The following DMTF1 variants were observed in gnomAD, a reference collection of about 807,000 sequenced individuals.
DMTF1 encodes cyclin D binding myb like transcription factor 1, also known as cyclin-D-binding Myb-like transcription factor 1.
DMTF1 carries 39 observed loss-of-function variants against 91.1 expected under a neutral mutation model. The ratio of observed to expected loss-of-function variants is 0.43; its 90% CI spans 0.33 to 0.56. The LOEUF is 0.56. Ranked by LOEUF, DMTF1 falls within the 20% of genes least tolerant of loss-of-function variation. The probability of loss-of-function intolerance (pLI) is 0.05; values close to 1 mark genes in which losing one functional copy is unlikely to be tolerated. For synonymous variants in DMTF1, 338 were observed against 309.5 expected, an observed-to-expected ratio of 1.09 and a Z score of -0.97; for missense variants, 750 against 914.5, an observed-to-expected ratio of 0.82 and a Z score of 2.32.
intron 14 of DMTF1, 114 bp from the exon 15 acceptor site, chr7:87,193,084 T>C: frequency 9.2e-7 from 1 of 1,091,920 alleles, no homozygotes; most frequent in Non-Finnish European, 1.3e-6. Flanking sequence ...GTATTACTTG[T>C]TCGCACCTTC....
chr7:87,194,819 A>G lies in DMTF1; in HGVS notation c.2164A>G (p.Thr722Ala). 6.2e-7 allele frequency: 1 copy of G among 1,610,698 alleles called. No individual in the cohort carries two copies. Among genetic ancestry groups the G allele is most frequent in the Non-Finnish European group, 8.5e-7 (1 of 1,178,384 alleles). ...IDTESVLPLT[T>A]LTDPILQHHQ... is the part of the protein sequence containing the mutation. ...TACTGAATCTGTCTTGCCTTTGACAACACTAACAGGTACTGTAATATAATA... is the reference window on the plus strand; with the variant it reads ...TACTGAATCTGTCTTGCCTTTGACAGCACTAACAGGTACTGTAATATAATA... Residue 722 changes from threonine (T) to alanine (A), a missense_variant, in exon 17 of 18, where the codon ACA becomes GCA. Around this residue, in one of 3 missense-constraint regions of DMTF1, gnomAD observed 410 missense variants for 420.2 expected, o/e 0.98. Coordinates refer to ENST00000331242, the MANE Select transcript of DMTF1 (RefSeq NM_001142327.2).
intron 9 of DMTF1, among the ~76,000 whole-genome samples, chr7:87,181,717 T>G (rs1797416597): frequency 6.6e-6 from 1 of 152,218 alleles, no homozygotes; most frequent in South Asian, 2.1e-4. Flanking sequence ...TTTCAGTGAA[T>G]ATCTGGGCTG....
intron 1 of DMTF1, among the ~76,000 whole-genome samples, chr7:87,161,235 C>T (rs78088843): frequency 5.9e-5 from 9 of 152,114 alleles, no homozygotes; most frequent in Admixed American, 2.0e-4. Flanking sequence ...CATTGGCTCA[C>T]GCCTGTAATC....
chr7:87,187,727 G>A (rs983857907), intron 12 of DMTF1: 4 of 235,784 alleles, frequency 1.7e-5, no homozygotes, highest in African/African-American at 4.7e-5. Flanking sequence ...TACACTATTC[G>A]TTTAAAAAAT....
chr7:87,154,496 T>C (rs1790161406), intron 1 of DMTF1: 1 of 152,678 alleles, frequency 6.5e-6, no homozygotes, highest in African/African-American at 2.4e-5. Flanking sequence ...GGAGCCAAAA[T>C]GCTATTGCCC....
intron 7 of DMTF1, among the ~76,000 whole-genome samples, chr7:87,176,541 A>G (rs892203061): frequency 1.3e-5 from 2 of 152,166 alleles, no homozygotes; most frequent in African/African-American, 4.8e-5. Flanking sequence ...TCAGTAGACC[A>G]ACTGATTGTG....
intron 4 of DMTF1, among the ~76,000 whole-genome samples, chr7:87,169,636 C>G (rs963603159): frequency 3.9e-5 from 6 of 152,150 alleles, no homozygotes; most frequent in African/African-American, 1.4e-4. Flanking sequence ...TCCCAGCTCT[C>G]CAAAGACCTT....
chr7:87,192,103 A>G (rs546324285), intron 14 of DMTF1, among the ~76,000 whole-genome samples: 21 of 152,230 alleles, frequency 1.4e-4, no homozygotes, highest in Admixed American at 1.0e-3. Context: ...CCTGGTAAAC[A>G]ATATATGTAC....
intron 12 of DMTF1, chr7:87,187,266 GCTTATGCC>G (rs1798663588): frequency 6.6e-6 from 1 of 152,208 alleles, no homozygotes; most frequent in African/African-American, 2.4e-5. Context: ...AGGTGTGGTG[GCTTATGCC>G]TATAATCCCA....
chr7:87,180,951 G>A (rs1235984996), intron 8 of DMTF1, among the ~76,000 whole-genome samples: 1 of 150,086 alleles, frequency 6.7e-6, no homozygotes, highest in Non-Finnish European at 1.5e-5. Flanking sequence ...TGCCTCGTGA[G>A]TTCAAGCTAT....
intron 13 of DMTF1, 52 bp from the exon 14 acceptor site, chr7:87,190,893 A>G: frequency 6.7e-7 from 1 of 1,482,638 alleles, no homozygotes; most frequent in Non-Finnish European, 9.2e-7. Context: ...TAAATTAACA[A>G]AACATTTATT....
In DMTF1 at chr7:87,195,127, T is replaced by TA; in HGVS notation, c.2273dup (p.Asn758LysfsTer6). 6.2e-7 allele frequency: 1 copy of TA among 1,608,280 alleles called. No homozygotes were observed. The highest frequency in any genetic ancestry group is 8.5e-7 in the Non-Finnish European group (1 of 1,175,432). On this transcript the variant is annotated frameshift_variant, in exon 18 of 18. Transcript: ENST00000331242. LOFTEE classifies it high-confidence loss of function. Reference sequence around the variant, plus strand: ...GATTCAAAGGATGTCGAAGATTTGGTAAACTGTCATTAGAATAATTCTTAG... The same window carrying TA: ...GATTCAAAGGATGTCGAAGATTTGGTAAAACTGTCATTAGAATAATTCTTAG...
At chr7:87,167,098 T>G (rs1794001426) in intron 4 of DMTF1, among the ~76,000 whole-genome samples, 2 of 152,210 alleles carry the variant, frequency 1.3e-5, no homozygotes, top group African/African-American at 4.8e-5. Context: ...CACAGAAAAT[T>G]ATAATAACTT....
chr7:87,157,715 T>C (rs1227933626), intron 1 of DMTF1, among the ~76,000 whole-genome samples: 1 of 152,128 alleles, frequency 6.6e-6, no homozygotes, highest in Non-Finnish European at 1.5e-5. Flanking sequence ...TTTATGCTTA[T>C]CCCTTTTCGT....
At chr7:87,157,292 G>A (rs1307816210) in intron 1 of DMTF1, among the ~76,000 whole-genome samples, 1 of 152,112 alleles carries the variant, frequency 6.6e-6, no homozygotes, top group Admixed American at 6.5e-5. Context: ...AATAGGGAAT[G>A]TTTTATATCA....
At chr7:87,183,636 T>C (rs762017706) in intron 10 of DMTF1, among the ~76,000 whole-genome samples, 1 of 152,202 alleles carries the variant, frequency 6.6e-6, no homozygotes, top group East Asian at 1.9e-4. Context: ...GCAAGCACAG[T>C]CTTTTTGAAA....
intron 1 of DMTF1, among the ~76,000 whole-genome samples, chr7:87,162,479 C>A (rs1792710124): frequency 6.6e-6 from 1 of 152,184 alleles, no homozygotes; most frequent in Non-Finnish European, 1.5e-5. Flanking sequence ...ACTATAATCA[C>A]AGACACACAT....
intron 6 of DMTF1, among the ~76,000 whole-genome samples, chr7:87,173,924 A>G (rs545287900): frequency 6.6e-6 from 1 of 152,316 alleles, no homozygotes; most frequent in Admixed American, 6.5e-5. Context: ...GGCATTTAAG[A>G]CAATATAGTT....
intron 1 of DMTF1, among the ~76,000 whole-genome samples, chr7:87,162,203 A>G (rs1792618809): frequency 6.6e-6 from 1 of 152,098 alleles, no homozygotes; most frequent in Non-Finnish European, 1.5e-5. Flanking sequence ...CCTCCAGAGT[A>G]GCTGAGATTA....
Sources: allele counts gnomAD v4.1 joint callset (sites outside exome capture counted in the v4.1 genomes callset), GRCh38; gene constraint gnomAD v4.1.1; regional missense constraint gnomAD v4.1.1; transcripts MANE v1.5; gene names NCBI Gene and HGNC (gene_info 2026-07-23, HGNC 2026-07-21).